Variants in AKAP17A observed in about 807,000 individuals in gnomAD.
The protein encoded by AKAP17A is A-kinase anchor protein 17A.
AKAP17A carries 15 observed loss-of-function variants against 52.2 expected under a neutral mutation model. That is an observed-to-expected ratio of 0.29 (90% CI 0.19 to 0.44). The LOEUF (loss-of-function observed/expected upper bound fraction) is 0.44. AKAP17A is among the 20% of genes least tolerant of loss of function. The pLI, the probability that AKAP17A is intolerant of heterozygous loss-of-function variation, is 1.00. For missense variants in AKAP17A, 1,060 were observed against 1,007.0 expected (o/e 1.05, Z -0.71); for synonymous variants, 514 against 424.7 (o/e 1.21, Z -2.58).
Position 1,601,348 on chromosome X carries a change from C to CG in AKAP17A, c.1845dup (p.Arg616GlufsTer17). Reference sequence around the variant, plus strand: ...CCAGGCGGGCCAGCAGCAGGGAGGACGGGAGGCCACGCAAGGAGCGGCGGC... The same window carrying CG: ...CCAGGCGGGCCAGCAGCAGGGAGGACGGGGAGGCCACGCAAGGAGCGGCGGC... On this transcript the variant is annotated frameshift_variant, in exon 5 of 5. Transcript: ENST00000313871. LOFTEE classifies it high-confidence loss of function. 2 of 1,591,896 alleles carry CG rather than the reference C, an allele frequency of 1.3e-6. No individual in the cohort carries two copies. Among genetic ancestry groups the CG allele is most frequent in the Non-Finnish European group, 1.7e-6 (2 of 1,172,920 alleles).
chrX:1,593,575 A>G lies in AKAP17A; in HGVS notation c.113A>G (p.Gln38Arg). 6.2e-7 allele frequency: 1 copy of G among 1,613,786 alleles called. No individual in the cohort carries two copies. Among genetic ancestry groups the G allele is most frequent in the Non-Finnish European group, 8.5e-7 (1 of 1,179,864 alleles). ...ATGACCATCAGCGTGGCACTCCCGC[A>G]GCTGAAGCAGCCGGGGAAGTCCATC... ...TKMTISVALP[Q>R]LKQPGKSISN... Residue 38 changes from glutamine to arginine, a missense_variant, in exon 2 of 5, where the codon CAG becomes CGG. Physicochemically the swap from Gln to Arg is conservative, Grantham distance 43. This residue lies in a region of AKAP17A where 267 missense variants were observed against 377.1 expected (regional missense o/e 0.71). Coordinates refer to ENST00000313871, the MANE Select transcript of AKAP17A (RefSeq NM_005088.3).
In AKAP17A at chrX:1,593,906, C is replaced by T; in HGVS notation, c.444C>T (p.Thr148=). 6.2e-7 allele frequency: 1 copy of T among 1,612,034 alleles called. No homozygotes were observed. Residue 148 remains threonine (T), a synonymous_variant, in exon 2 of 5, where the codon ACC becomes ACT. Coordinates refer to ENST00000313871, the MANE Select transcript of AKAP17A (RefSeq NM_005088.3). ...NETLPGERPD[T]IHLEGLPCKW... ...CCCTGCCGGGGGAGCGGCCGGACAC[C>T]ATCCACCTGGAGGGGCTGCCCTGCA...
At chrX:1,598,946 G>A (rs1441184559) in intron 3 of AKAP17A, among the ~76,000 whole-genome samples, 10 of 152,298 alleles carry the variant, frequency 6.6e-5, no homozygotes, top group South Asian at 4.1e-4. Flanking sequence ...CGTTTTCTTC[G>A]TGGTTTCAGG....
Position 1,595,419 on chromosome X carries a change from C to T in AKAP17A, c.798C>T (p.Ala266=), listed in dbSNP as rs1932929167. The change falls in exon 3 of 5, where the codon GCC becomes GCT. Residue 266 remains alanine, a synonymous_variant. Transcript: ENST00000313871. ...ATTCGACCAAACACCTGAGTGATGC[C>T]TCAATTAAGAAGCGGCAGCTGGAGA... ...SFDSTKHLSD[A]SIKKRQLERQ... is the part of the protein sequence containing the mutation. The T allele has an allele frequency of 6.2e-7, 1 of 1,613,984 alleles. No individual in the cohort carries two copies. Among genetic ancestry groups the T allele is most frequent in the Non-Finnish European group, 8.5e-7 (1 of 1,179,880 alleles).
chrX:1,597,200 C>G (rs1281284728), intron 3 of AKAP17A, among the ~76,000 whole-genome samples: 1 of 152,190 alleles, frequency 6.6e-6, no homozygotes, highest in Non-Finnish European at 1.5e-5. Context: ...GGGAGCAGGT[C>G]CATCCTGCCC....
At position 1,601,574 on chromosome X, in the gene AKAP17A, C is replaced by T. The variant is rs777743306; in HGVS notation, c.2068C>T (p.Arg690Cys). The T allele has an allele frequency of 2.5e-5, 37 of 1,453,010 alleles. No homozygotes were observed. The highest frequency in any genetic ancestry group is 3.0e-5 in the Non-Finnish European group (33 of 1,111,232). The allele number at this position is 1,453,010 out of a possible 1,614,324, so 90.0% of individuals were successfully genotyped here. ...RSRSRSPSRH[R>C]STWNR ...GCGCTCCCGGTCCCCGAGCAGGCAC[C>T]GCAGTACCTGGAACAGGTAATGACG... Residue 690 changes from arginine to cysteine, a missense_variant, in exon 5 of 5, where the codon CGC becomes TGC. By Grantham distance (180) the Arg-to-Cys change is radical (BLOSUM62 -3). Transcript: ENST00000313871.
chrX:1,600,087 C>T, intron 4 of AKAP17A: 2 of 1,141,734 alleles, frequency 1.8e-6, no homozygotes, highest in South Asian at 1.3e-5. Flanking sequence ...AGGGCTGCGT[C>T]CCCCTGGAGT....
chrX:1,601,533 G>C lies in AKAP17A; in HGVS notation c.2027G>C (p.Arg676Pro). 1 of 1,484,712 alleles carries C rather than the reference G, an allele frequency of 6.7e-7. No individual in the cohort carries two copies. Among genetic ancestry groups the C allele is most frequent in the Non-Finnish European group, 8.9e-7 (1 of 1,127,472 alleles). 92.0% of individuals were successfully genotyped at this position (1,484,712 alleles called of 1,614,324 possible). The stretch of plus-strand genomic sequence containing the variant: ...AGCAGGAAGCACAGCCGCCACCGCC[G>C]CCGAAGCGAGCGGTCGCGCTCCCGG... ...SASRKHSRHR[R>P]RSERSRSRSP... The change falls in exon 5 of 5, where the codon CGC becomes CCC. Residue 676 changes from arginine (R) to proline (P), a missense_variant. Arg to Pro is a moderately radical substitution (Grantham distance 103, BLOSUM62 -2). Coordinates refer to ENST00000313871, the MANE Select transcript of AKAP17A (RefSeq NM_005088.3).
rs138146590 is a variant in AKAP17A, at chrX:1,602,092, C to T, written c.*498C>T. 18 of 156,044 alleles carry T rather than the reference C, an allele frequency of 1.2e-4. No homozygotes were observed. Among genetic ancestry groups the T allele is most frequent in the Non-Finnish European group, 2.1e-4 (15 of 70,878 alleles). The allele number at this position is 156,044 out of a possible 1,614,324, so 9.7% of individuals were successfully genotyped here. ...AGGAAGTGCAGTTTGGGTGGGATGC[C>T]GAATCGTCGTGCTGACATTGAGTCA... On this transcript the variant is annotated 3_prime_UTR_variant, in exon 5 of 5. Coordinates refer to ENST00000313871, the MANE Select transcript of AKAP17A (RefSeq NM_005088.3).
chrX:1,595,767 C>T (rs1932945623), intron 3 of AKAP17A, among the ~76,000 whole-genome samples: 1 of 150,740 alleles, frequency 6.6e-6, no homozygotes, highest in Non-Finnish European at 1.5e-5. Flanking sequence ...GCACGTGTGC[C>T]TGTGTGTGCG....
intron 4 of AKAP17A, 121 bp downstream of exon 4, chrX:1,599,553 C>G (rs1361291160): frequency 1.4e-6 from 2 of 1,387,218 alleles, no homozygotes; most frequent in Non-Finnish European, 2.0e-6. Flanking sequence ...AGCTACGAAA[C>G]CAGCTTTAAT....
At position 1,601,930 on chromosome X, in the gene AKAP17A, G is replaced by C. The variant is rs189867261; in HGVS notation, c.*336G>C. 3.5e-6 allele frequency: 1 copy of C among 289,424 alleles called. No individual in the cohort carries two copies. Among genetic ancestry groups the C allele is most frequent in the Non-Finnish European group, 6.4e-6 (1 of 156,304 alleles). 17.9% of individuals were successfully genotyped at this position (289,424 alleles called of 1,614,324 possible). A position where few individuals can be genotyped will look rare whatever the true frequency, so the allele number is the denominator to read the frequency against. On this transcript the variant is annotated 3_prime_UTR_variant, in exon 5 of 5. Coordinates refer to ENST00000313871, the MANE Select transcript of AKAP17A (RefSeq NM_005088.3). Reference sequence around the variant, plus strand: ...CAGAGCTGCTGCATTCCCCCACACGGGGATTTCTGTGTCTGCTTGGCGACC... The same window carrying C: ...CAGAGCTGCTGCATTCCCCCACACGCGGATTTCTGTGTCTGCTTGGCGACC...
intron 3 of AKAP17A, among the ~76,000 whole-genome samples, chrX:1,597,813 A>G (rs1933089889): frequency 6.6e-6 from 1 of 151,734 alleles, no homozygotes; most frequent in South Asian, 2.1e-4. Context: ...CAGACCACAG[A>G]GGGATTGGGG....
In AKAP17A at chrX:1,601,299, G is replaced by A. The variant is rs747213329; in HGVS notation, c.1793G>A (p.Arg598Gln). 14 of 1,609,286 alleles carry A rather than the reference G, an allele frequency of 8.7e-6. No individual in the cohort carries two copies. Among genetic ancestry groups the A allele is most frequent in the South Asian group, 4.4e-5 (4 of 90,956 alleles). ...GRATGDGLADRHKRERSRARR... is the reference protein window; with the variant it reads ...GRATGDGLADQHKRERSRARR... ...GCCACCGGAGACGGGCTTGCTGACC[G>A]GCACAAGCGGGAGAGGAGCCGGGCC... The change falls in exon 5 of 5, where the codon CGG (arginine) becomes CAG (glutamine). Residue 598 changes from arginine (R) to glutamine (Q), a missense_variant. Coordinates refer to ENST00000313871, the MANE Select transcript of AKAP17A (RefSeq NM_005088.3).
chrX:1,591,772 G>A lies in AKAP17A; in HGVS notation c.-20+3G>A, dbSNP rs2092754289. ...GACGCAGGCGGAGCCCCGCGCAGGT[G>A]AGTGCCGCCCCCGTGCCTCCCGGGC... On this transcript the variant is annotated splice_donor_region_variant and intron_variant, in intron 1 of 4. Coordinates refer to ENST00000313871, the MANE Select transcript of AKAP17A (RefSeq NM_005088.3). 1 of 151,714 alleles carries A rather than the reference G, an allele frequency of 6.6e-6. No individual in the cohort carries two copies. Among genetic ancestry groups the A allele is most frequent in the African/African-American group, 2.4e-5 (1 of 41,320 alleles). 9.4% of individuals were successfully genotyped at this position (151,714 alleles called of 1,614,324 possible). A position where few individuals can be genotyped will look rare whatever the true frequency, so the allele number is the denominator to read the frequency against.
At chrX:1,599,010 C>T (rs1295747787) in intron 3 of AKAP17A, among the ~76,000 whole-genome samples, 182 bp from the exon 4 acceptor site, 12 of 152,318 alleles carry the variant, frequency 7.9e-5, no homozygotes, top group South Asian at 4.2e-4. Flanking sequence ...GGTCCTCGCC[C>T]GGCTCACTCC....
At chrX:1,596,617 G>C (rs1933000185) in intron 3 of AKAP17A, among the ~76,000 whole-genome samples, 1 of 115,294 alleles carries the variant, frequency 8.7e-6, no homozygotes, top group Admixed American at 8.4e-5. Context: ...TAGTGAGGTG[G>C]ATTCCTCCTC....
At chrX:1,596,227 A>T (rs1399009062) in intron 3 of AKAP17A, among the ~76,000 whole-genome samples, 24 of 14,318 alleles carry the variant, frequency 1.7e-3, no homozygotes, top group African/African-American at 8.1e-3. Context: ...GGCCAGATTT[A>T]AAAAAAAAAA....
At chrX:1,599,546 T>TACGAAA in intron 4 of AKAP17A, 114 bp downstream of exon 4, 2 of 1,434,234 alleles carry the variant, frequency 1.4e-6, no homozygotes, top group Non-Finnish European at 1.9e-6. Flanking sequence ...CAGCTGTAGC[T>TACGAAA]ACGAAACCAG....
Sources: allele counts gnomAD v4.1 joint callset (sites outside exome capture counted in the v4.1 genomes callset), GRCh38; gene constraint gnomAD v4.1.1; regional missense constraint gnomAD v4.1.1; transcripts MANE v1.5; gene names NCBI Gene and HGNC (gene_info 2026-07-23, HGNC 2026-07-21).